Variants in AQP7 observed in about 807,000 individuals in gnomAD.
AQP7 encodes aquaporin-7.
A neutral mutation model predicts 26.1 loss-of-function variants in AQP7; 22 were observed. The ratio of observed to expected loss-of-function variants is 0.84; its 90% CI spans 0.60 to 1.20. The LOEUF (loss-of-function observed/expected upper bound fraction) is 1.20. AQP7 is among the 50% of genes most tolerant of loss of function. The pLI, the probability that AQP7 is intolerant of heterozygous loss-of-function variation, is 0.00. For missense variants in AQP7, 412 were observed against 457.5 expected (o/e 0.90, Z 0.91); for synonymous variants, 167 against 181.7 (o/e 0.92, Z 0.65).
intron 1 of AQP7, chr9:33,401,586 A>T (rs185342355): frequency 2.3e-6 from 1 of 430,212 alleles, no homozygotes; most frequent in African/African-American, 2.0e-5. Context: ...CTCAGCCTCT[A>T]CTCAGTGGCT....
intron 7 of AQP7, 43 bp downstream of exon 7, chr9:33,385,606 C>A: frequency 3.1e-6 from 5 of 1,606,736 alleles, no homozygotes; most frequent in Non-Finnish European, 4.3e-6. Flanking sequence ...CACAGGGGAC[C>A]CACAGAAAAA....
At chr9:33,397,200 T>G (rs927520759) in intron 2 of AQP7, among the ~76,000 whole-genome samples, 1 of 151,628 alleles carries the variant, frequency 6.6e-6, no homozygotes, top group Non-Finnish European at 1.5e-5. Context: ...TGCCTGAACA[T>G]AGTAGGCATA....
intron 2 of AQP7, among the ~76,000 whole-genome samples, chr9:33,395,872 GGT>G (rs1435560854): frequency 6.6e-6 from 1 of 152,184 alleles, no homozygotes; most frequent in African/African-American, 2.4e-5. Flanking sequence ...TCTACTTCCT[GGT>G]GTATCTTCAG....
chr9:33,399,486 TG>T lies in AQP7; in HGVS notation c.26+1750del, dbSNP rs1037038595. ...GGTGGCAGGCACCTGTAATACCAGCTGGGGGGGGAGGGGCTGAGACATGAGA... is the reference window on the plus strand; with the variant it reads ...GGTGGCAGGCACCTGTAATACCAGCTGGGGGGGAGGGGCTGAGACATGAGA... On this transcript the variant is annotated intron_variant, in intron 2 of 7. Transcript: ENST00000297988. Among the ~76,000 whole-genome samples the T allele has an allele frequency of 4.8e-4, 70 of 145,366 alleles. 1 individual carries two copies. The South Asian group carries it at 5.1e-3, about 11-fold the overall frequency.
At chr9:33,386,633 C>T in intron 4 of AQP7, 92 bp from the exon 5 acceptor site, 1 of 1,459,168 alleles carries the variant, frequency 6.9e-7, no homozygotes, top group Non-Finnish European at 9.3e-7. Context: ...GTGTGTATGA[C>T]AGCATGCTCC....
At chr9:33,387,456 G>C (rs931581038) in intron 3 of AQP7, among the ~76,000 whole-genome samples, 7 of 152,044 alleles carry the variant, frequency 4.6e-5, no homozygotes, top group African/African-American at 1.7e-4. Context: ...TCACACTTCA[G>C]GCTGGCCTGA....
chr9:33,402,059 G>A (rs917357932), intron 1 of AQP7, among the ~76,000 whole-genome samples: 8 of 151,892 alleles, frequency 5.3e-5, no homozygotes, highest in African/African-American at 1.9e-4. Context: ...CTCTCTCCTC[G>A]TCCCACCCCC....
intron 2 of AQP7, among the ~76,000 whole-genome samples, chr9:33,399,612 AT>A (rs910002234): frequency 6.6e-5 from 10 of 151,142 alleles, no homozygotes; most frequent in African/African-American, 1.9e-4. Flanking sequence ...AAAAAAAAAA[AT>A]TTTTTTTTGT....
At position 33,386,063 on chromosome 9, in the gene AQP7, C is replaced by T; in HGVS notation, c.525+14G>A. On this transcript the variant is annotated intron_variant, in intron 6 of 7. Transcript: ENST00000297988. ...GGAGGGCAGGGGGAGGGATACTCAT[C>T]CTCGACCACTGACCTCATTCAGGAA... The T allele has an allele frequency of 1.2e-6, 2 of 1,612,502 alleles. No individual in the cohort carries two copies. Among genetic ancestry groups the T allele is most frequent in the African/African-American group, 2.7e-5 (2 of 74,980 alleles).
intron 2 of AQP7, 52 bp from the exon 3 acceptor site, chr9:33,395,247 C>A (rs540717903): frequency 2.0e-6 from 3 of 1,492,090 alleles, no homozygotes; most frequent in Non-Finnish European, 2.8e-6. Context: ...AGTCTGCCTG[C>A]TGCCCATCGG....
rs370627285 is a variant in AQP7 at position 33,385,831 on chromosome 9, G to A, written c.561C>T (p.Phe187=). ...GGTTGTTCTCCTGGTCCGTGATGGC[G>A]AAGAGACACAGCTGGAGCATCCCGG... is the stretch of plus-strand genomic sequence containing the variant. ...WLTGMLQLCL[F]AITDQENNPA... Residue 187 remains phenylalanine (F), a synonymous_variant, in exon 7 of 8, where the codon TTC becomes TTT. Coordinates refer to ENST00000297988, the MANE Select transcript of AQP7 (RefSeq NM_001170.3). The A allele has an allele frequency of 6.4e-5, 103 of 1,612,002 alleles. No homozygotes were observed. The highest frequency in any genetic ancestry group is 1.2e-4 in the African/African-American group (9 of 74,882).
intron 2 of AQP7, among the ~76,000 whole-genome samples, chr9:33,398,004 T>C (rs1020979502): frequency 9.9e-5 from 15 of 151,778 alleles, no homozygotes; most frequent in Non-Finnish European, 1.9e-4. Flanking sequence ...AAGCAATCAA[T>C]TGAGCAATTA....
In AQP7 at chr9:33,386,453, C is replaced by T; in HGVS notation, c.357G>A (p.Gln119=). 1 of 1,611,560 alleles carries T rather than the reference C, an allele frequency of 6.2e-7. No individual in the cohort carries two copies. Among genetic ancestry groups the T allele is most frequent in the Non-Finnish European group, 8.5e-7 (1 of 1,179,084 alleles). The change falls in exon 5 of 8, where the codon CAG becomes CAA. Residue 119 remains glutamine, a synonymous_variant. Coordinates refer to ENST00000297988, the MANE Select transcript of AQP7 (RefSeq NM_001170.3). Reference sequence around the variant, plus strand: ...CAGCCGCCAGGAAGGAGCCCAGGAACTGCCCCAGCACATAGACCGGAAACT... The same window carrying T: ...CAGCCGCCAGGAAGGAGCCCAGGAATTGCCCCAGCACATAGACCGGAAACT... ...WRKFPVYVLG[Q]FLGSFLAAAT...
intron 3 of AQP7, among the ~76,000 whole-genome samples, chr9:33,389,998 A>G (rs972267231): frequency 1.3e-5 from 2 of 148,934 alleles, no homozygotes; most frequent in Admixed American, 6.8e-5. Context: ...ACTACACTCC[A>G]GCCTGGGTGA....
intron 3 of AQP7, among the ~76,000 whole-genome samples, chr9:33,389,628 C>T (rs1471251628): frequency 6.6e-6 from 1 of 152,092 alleles, no homozygotes; most frequent in African/African-American, 2.4e-5. Flanking sequence ...TATTGTATTT[C>T]CCCTGGAGAA....
chr9:33,400,443 G>A (rs1278121728), intron 2 of AQP7, among the ~76,000 whole-genome samples: 13 of 152,078 alleles, frequency 8.5e-5, no homozygotes, highest in Non-Finnish European at 1.9e-4. Flanking sequence ...GGTGGAGGGA[G>A]ACTAGTCACC....
rs149110103 is a variant in AQP7, at chr9:33,385,017, T to C, written c.1017A>G (p.Leu339=). Residue 339 remains leucine (L), a synonymous_variant, in exon 8 of 8, where the codon CTA becomes CTG. Transcript: ENST00000297988. ...PAPPLHESMA[L]EHF ...AAATAATCTCTGCTTAGAAGTGCTC[T>C]AGGGCCATGGATTCATGTAAGGGTG... 5.0e-6 allele frequency: 8 copies of C among 1,611,034 alleles called. No individual in the cohort carries two copies. The highest frequency in any genetic ancestry group is 2.7e-5 in the African/African-American group (2 of 74,818).
At chr9:33,401,600 GCCTCATATTTGCGTGCTATA>G (rs1826289480) in intron 1 of AQP7, 1 of 402,790 alleles carries the variant, frequency 2.5e-6, no homozygotes, top group Admixed American at 3.5e-5. Flanking sequence ...AGTGGCTCCA[GCCTCATATTTGCGTGCTATA>G]CCTTTAACCT....
At chr9:33,399,749 C>T (rs1379570176) in intron 2 of AQP7, among the ~76,000 whole-genome samples, 1 of 151,928 alleles carries the variant, frequency 6.6e-6, no homozygotes, top group African/African-American at 2.4e-5. Flanking sequence ...CAGCCTGGGA[C>T]TGGGGGAGCT....
Sources: gnomAD v4.1 joint callset for allele counts (sites outside exome capture counted in the v4.1 genomes callset) on GRCh38, gnomAD v4.1.1 for gene constraint, MANE v1.5 for transcripts, NCBI Gene and HGNC (gene_info 2026-07-23, HGNC 2026-07-21) for gene names.